The following SLC25A23 variants were observed in gnomAD, a reference collection of about 807,000 sequenced individuals.
SLC25A23 encodes the protein solute carrier family 25 member 23, also known as mitochondrial adenyl nucleotide antiporter SLC25A23.
A neutral mutation model predicts 53.9 loss-of-function variants in SLC25A23; 32 were observed. The observed-to-expected ratio is 0.59, with a 90% CI of 0.45 to 0.80. SLC25A23 has a LOEUF of 0.80. Ranked by LOEUF, SLC25A23 falls within the 30% of genes least tolerant of loss-of-function variation. The pLI is 0.00. For synonymous variants in SLC25A23, 275 were observed against 264.5 expected (o/e 1.04, Z -0.38); for missense variants, 575 against 651.4 (o/e 0.88, Z 1.28).
chr19:6,457,328 A>G (rs145149050), intron 3 of SLC25A23, among the ~76,000 whole-genome samples, 175 bp downstream of exon 3: 5,302 of 151,796 alleles, frequency 0.035, 310 homozygotes, highest in African/African-American at 0.12. Context: ...CAGCCTCCCA[A>G]AGTGCTGGGG....
intron 7 of SLC25A23, among the ~76,000 whole-genome samples, chr19:6,453,558 T>G (rs146027814): frequency 2.0e-3 from 298 of 152,300 alleles, no homozygotes; most frequent in African/African-American, 6.8e-3. Flanking sequence ...TTAAGTTTTC[T>G]GTCACTTTCA....
Position 6,441,870 on chromosome 19 carries a change from A to T in SLC25A23, c.*105T>A. The T allele has an allele frequency of 1.9e-6, 2 of 1,034,220 alleles. No homozygotes were observed. The highest frequency in any genetic ancestry group is 2.9e-6 in the Non-Finnish European group (2 of 690,656). The allele number at this position is 1,034,220 out of a possible 1,614,324, so 64.1% of individuals were successfully genotyped here. A position where few individuals can be genotyped will look rare whatever the true frequency, so the allele number is the denominator to read the frequency against. On this transcript the variant is annotated 3_prime_UTR_variant, in exon 10 of 10. Transcript: ENST00000301454. ...GGAGTCTAGGATCCAGGATCTGGGT[A>T]CTGGGATCTCGTGGCCAAAGAGTAG...
chr19:6,446,156 G>C (rs2144850560), intron 8 of SLC25A23, among the ~76,000 whole-genome samples: 1 of 152,156 alleles, frequency 6.6e-6, no homozygotes, highest in African/African-American at 2.4e-5. Flanking sequence ...TTGAGGTCAG[G>C]AGTTCGAGAC....
chr19:6,444,291 T>G lies in SLC25A23; in HGVS notation c.1082A>C (p.Asn361Thr). ...IDLAVYETLK[N>T]WWLQQYSHDS... ...GTGGCTGTACTGCTGAAGCCACCAG[T>G]TCTTCAGAGTCTGGAGTGGAGAAGG... Residue 361 changes from asparagine to threonine, a missense_variant, in exon 9 of 10, where the codon AAC becomes ACC. Coordinates refer to ENST00000301454, the MANE Select transcript of SLC25A23 (RefSeq NM_024103.3). 2.5e-6 allele frequency: 4 copies of G among 1,607,816 alleles called. No homozygotes were observed. The highest frequency in any genetic ancestry group is 3.4e-6 in the Non-Finnish European group (4 of 1,177,526).
intron 4 of SLC25A23, chr19:6,456,166 C>T (rs1438602953): frequency 1.4e-6 from 2 of 1,379,658 alleles, no homozygotes; most frequent in African/African-American, 1.4e-5. Flanking sequence ...GCAACCCCCA[C>T]ACGCTGTCCC....
chr19:6,447,627 C>T (rs767693342), intron 8 of SLC25A23, among the ~76,000 whole-genome samples: 2 of 151,968 alleles, frequency 1.3e-5, no homozygotes, highest in Admixed American at 6.6e-5. Flanking sequence ...GGATTACAGG[C>T]TTATGCCACC....
intron 8 of SLC25A23, 32 bp downstream of exon 8, chr19:6,452,280 A>G: frequency 5.1e-6 from 8 of 1,581,410 alleles, no homozygotes; most frequent in Non-Finnish European, 6.9e-6. Flanking sequence ...CCCAGAGGGG[A>G]GCAGGGAAAG....
At chr19:6,436,757 A>G (rs984526897), downstream of SLC25A23, among the ~76,000 whole-genome samples, 4 of 152,014 alleles carry the variant, frequency 2.6e-5, no homozygotes, top group African/African-American at 7.2e-5. Context: ...CATGTTGGCC[A>G]GGCTGGTCTC....
At chr19:6,448,986 TGCACTCCAGCCTGG>T (rs2092547212) in intron 8 of SLC25A23, among the ~76,000 whole-genome samples, 1 of 151,034 alleles carries the variant, frequency 6.6e-6, no homozygotes, top group East Asian at 2.0e-4. Context: ...ATCACACCAC[TGCACTCCAGCCTGG>T]GTGACAGAGT....
intron 4 of SLC25A23, among the ~76,000 whole-genome samples, chr19:6,455,576 G>A (rs531531746): frequency 2.7e-3 from 405 of 152,188 alleles, no homozygotes; most frequent in African/African-American, 9.1e-3. Flanking sequence ...TCCCACAGAC[G>A]GATCCCCCTC....
At chr19:6,445,208 C>T (rs1050729036) in intron 8 of SLC25A23, among the ~76,000 whole-genome samples, 1 of 152,112 alleles carries the variant, frequency 6.6e-6, no homozygotes, top group African/African-American at 2.4e-5. Flanking sequence ...CTCCTGGCTT[C>T]AAGCGATTCT....
Sources: gnomAD v4.1 joint callset for allele counts (sites outside exome capture counted in the v4.1 genomes callset) on GRCh38, gnomAD v4.1.1 for gene constraint, MANE v1.5 for transcripts, NCBI Gene and HGNC (gene_info 2026-07-23, HGNC 2026-07-21) for gene names.